Variants in NME4 observed in about 807,000 individuals in gnomAD.
NME4 encodes the protein nucleoside diphosphate kinase D, mitochondrial.
In NME4, 21 loss-of-function variants were observed where a neutral mutation model predicts 16.4. The observed-to-expected ratio is 1.28, with a 90% CI of 0.91 to 1.84. NME4 has a LOEUF of 1.84. NME4 is among the 40% of genes most tolerant of loss of function. The pLI, the probability that NME4 is intolerant of heterozygous loss-of-function variation, is 0.00. For missense variants in NME4, 316 were observed against 261.3 expected (o/e 1.21, Z -1.44); for synonymous variants, 132 against 107.5 (o/e 1.23, Z -1.41).
At position 399,620 on chromosome 16, in the gene NME4, G is replaced by A. The variant is rs777376591; in HGVS notation, c.328-7G>A. 8.6e-5 allele frequency: 139 copies of A among 1,612,264 alleles called. No individual in the cohort carries two copies. The highest frequency in any genetic ancestry group is 1.2e-4 in the Non-Finnish European group (136 of 1,179,228). ...CACTTCTCCCCAACCATTATCTCTC[G>A]CTGCAGGTCTGGGAAGGGTACAATG... On this transcript the variant is annotated splice_region_variant and splice_polypyrimidine_tract_variant and intron_variant, in intron 3 of 4. Coordinates refer to ENST00000219479, the MANE Select transcript of NME4 (RefSeq NM_005009.3).
chr16:400,068 C>A, intron 4 of NME4, 151 bp from the exon 5 acceptor site: 1 of 1,210,650 alleles, frequency 8.3e-7, no homozygotes, highest in Non-Finnish European at 1.2e-6. Flanking sequence ...AGGCTGGAAC[C>A]CGGTTTCCCA....
In NME4 at chr16:400,569, C is replaced by A; in HGVS notation, c.*227C>A. On this transcript the variant is annotated 3_prime_UTR_variant, in exon 5 of 5. Transcript: ENST00000219479. ...CTTTTTGCACCAAAGTGCCGGACAA[C>A]CTTTGTGGTGGGGGGGGGTCTTCAC... 3 of 497,724 alleles carry A rather than the reference C, an allele frequency of 6.0e-6. No individual in the cohort carries two copies. Among genetic ancestry groups the A allele is most frequent in the Non-Finnish European group, 1.0e-5 (3 of 285,862 alleles). The allele number at this position is 497,724 out of a possible 1,614,324, so 30.8% of individuals were successfully genotyped here.
At chr16:397,185 C>G, upstream of NME4, 1 of 928,642 alleles carries the variant, frequency 1.1e-6, no homozygotes, top group Non-Finnish European at 1.3e-6. Flanking sequence ...CCTCCGCGCC[C>G]GCTCCTCGCG....
rs1171646101 is a variant in NME4, at chr16:400,223, G to A, written c.445G>A (p.Val149Ile). Residue 149 changes from valine to isoleucine, a missense_variant, in exon 5 of 5, where the codon GTC becomes ATC. Physicochemically the swap from Val to Ile is conservative, Grantham distance 29 (BLOSUM62 3). Coordinates refer to ENST00000219479, the MANE Select transcript of NME4 (RefSeq NM_005009.3). ...GDFSVHISRN[V>I]IHASDSVEGA... ...ATTGCTCCTGTCCTGGCACAGGAATGTCATCCACGCCAGCGACTCCGTGGA... is the reference window on the plus strand; with the variant it reads ...ATTGCTCCTGTCCTGGCACAGGAATATCATCCACGCCAGCGACTCCGTGGA... The A allele has an allele frequency of 1.9e-6, 3 of 1,606,848 alleles. No homozygotes were observed. In the Admixed American group the frequency reaches 5.0e-5, roughly 27 times the overall value.
rs2054620697 is a variant in NME4, at chr16:399,793, T to G, written c.440+54T>G. 1.6e-5 allele frequency: 23 copies of G among 1,447,326 alleles called. 1 individual carries two copies. Among genetic ancestry groups the G allele is most frequent in the South Asian group, 3.4e-5 (3 of 87,502 alleles). The allele number at this position is 1,447,326 out of a possible 1,614,324, so 89.7% of individuals were successfully genotyped here. A position where few individuals can be genotyped will look rare whatever the true frequency, so the allele number is the denominator to read the frequency against. On this transcript the variant is annotated intron_variant, in intron 4 of 4. Transcript: ENST00000219479. The stretch of plus-strand genomic sequence containing the variant: ...TGCTGGGGGCAAGGAGGGCCATCAC[T>G]TGGGGTGGTGGCAGATCCACGAGAC...
At chr16:398,429 C>T (rs1339707606) in intron 1 of NME4, 2 of 1,201,288 alleles carry the variant, frequency 1.7e-6, no homozygotes, top group African/African-American at 1.6e-5. Context: ...CACTCATTCA[C>T]CTCAGACACA....
rs910448036 is a variant in NME4, at chr16:400,541, A to G, written c.*199A>G. 1 of 563,750 alleles carries G rather than the reference A, an allele frequency of 1.8e-6. No homozygotes were observed. The highest frequency in any genetic ancestry group is 3.6e-5 in the Admixed American group (1 of 27,686). 34.9% of individuals were successfully genotyped at this position (563,750 alleles called of 1,614,324 possible). A position where few individuals can be genotyped will look rare whatever the true frequency, so the allele number is the denominator to read the frequency against. On this transcript the variant is annotated 3_prime_UTR_variant, in exon 5 of 5. Coordinates refer to ENST00000219479, the MANE Select transcript of NME4 (RefSeq NM_005009.3). ...CCCAAGCCAGCACAAGATTGGACCA[A>G]TCCTTTTTGCACCAAAGTGCCGGAC... is the stretch of plus-strand genomic sequence containing the variant.
intron 1 of NME4, chr16:397,928 A>T: frequency 6.5e-7 from 1 of 1,548,756 alleles, no homozygotes. Flanking sequence ...CAATGCCCGC[A>T]CCAGCCGCAG....
rs766705949 is a variant in NME4, at chr16:400,235, A to G, written c.457A>G (p.Ser153Gly). 2 of 1,605,262 alleles carry G rather than the reference A, an allele frequency of 1.2e-6. No individual in the cohort carries two copies. Among genetic ancestry groups the G allele is most frequent in the South Asian group, 1.1e-5 (1 of 90,848 alleles). ...VHISRNVIHASDSVEGAQREI... is the reference protein window; with the variant it reads ...VHISRNVIHAGDSVEGAQREI... ...CTGGCACAGGAATGTCATCCACGCCAGCGACTCCGTGGAGGGGGCCCAGCG... is the reference window on the plus strand; with the variant it reads ...CTGGCACAGGAATGTCATCCACGCCGGCGACTCCGTGGAGGGGGCCCAGCG... The change falls in exon 5 of 5, where the codon AGC (serine) becomes GGC (glycine). Residue 153 changes from serine to glycine, a missense_variant. By Grantham distance (56) the Ser-to-Gly change is moderately conservative (BLOSUM62 0). Transcript: ENST00000219479.
At chr16:397,129 C>CG (rs1174213430), upstream of NME4, 7 of 200,584 alleles carry the variant, frequency 3.5e-5, no homozygotes, top group East Asian at 1.1e-3. Flanking sequence ...TCCGGGGCGG[C>CG]GGGGGGCTCC....
Position 398,891 on chromosome 16 carries a change from C to G in NME4, c.92-99C>G, listed in dbSNP as rs979599559. 11 of 1,527,694 alleles carry G rather than the reference C, an allele frequency of 7.2e-6. No individual in the cohort carries two copies. In the African/African-American group the frequency reaches 1.4e-4, roughly 19 times the overall value. The allele number at this position is 1,527,694 out of a possible 1,614,324, so 94.6% of individuals were successfully genotyped here. ...GAGTGCCCTGCATAGAGGCAGACAC[C>G]CTGAAGCCTGGTGACCCCTGGGCTC... is the stretch of plus-strand genomic sequence containing the variant. On this transcript the variant is annotated intron_variant, in intron 1 of 4. Coordinates refer to ENST00000219479, the MANE Select transcript of NME4 (RefSeq NM_005009.3).
In NME4 at chr16:399,402, G is replaced by C. The variant is rs1386797878; in HGVS notation, c.249G>C (p.Glu83Asp). 5 of 1,612,852 alleles carry C rather than the reference G, an allele frequency of 3.1e-6. No homozygotes were observed. Among genetic ancestry groups the C allele is most frequent in the Non-Finnish European group, 4.2e-6 (5 of 1,179,984 alleles). ...AGGCACCAGAGAGCGTCCTTGCCGA[G>C]CACTACCAGGACCTGCGGAGGAAGC... The part of the protein sequence containing the change: ...MLQAPESVLA[E>D]HYQDLRRKPF... The change falls in exon 3 of 5, where the codon GAG (glutamate) becomes GAC (aspartate). Residue 83 changes from glutamate (E) to aspartate (D), a missense_variant. Transcript: ENST00000219479.
rs766312455 is a variant in NME4 at position 399,404 on chromosome 16, A to G, written c.251A>G (p.His84Arg). The change falls in exon 3 of 5, where the codon CAC becomes CGC. Residue 84 changes from histidine (H) to arginine (R), a missense_variant. Physicochemically the swap from His to Arg is conservative, Grantham distance 29. Coordinates refer to ENST00000219479, the MANE Select transcript of NME4 (RefSeq NM_005009.3). The stretch of plus-strand genomic sequence containing the variant: ...GCACCAGAGAGCGTCCTTGCCGAGC[A>G]CTACCAGGACCTGCGGAGGAAGCCC... ...LQAPESVLAE[H>R]YQDLRRKPFY... 5 of 1,612,948 alleles carry G rather than the reference A, an allele frequency of 3.1e-6. No individual in the cohort carries two copies. In the Admixed American group the frequency reaches 8.3e-5, roughly 27 times the overall value.
intron 1 of NME4, chr16:397,762 C>G (rs1461893983): frequency 7.9e-6 from 9 of 1,132,512 alleles, no homozygotes; most frequent in Non-Finnish European, 9.8e-6. Context: ...TCCGCTGGGG[C>G]GTTCGCTGAA....
chr16:400,009 CA>C, intron 4 of NME4: 1 of 765,460 alleles, frequency 1.3e-6, no homozygotes. Flanking sequence ...ATGAGGCTCC[CA>C]AAAGCTGGGG....
intron 1 of NME4, 104 bp downstream of exon 1, chr16:397,417 G>C: frequency 3.0e-6 from 1 of 334,398 alleles, no homozygotes; most frequent in South Asian, 1.2e-4. Flanking sequence ...GACTCCCCCA[G>C]AGGCCTCGGG....
At chr16:397,122 G>C (rs188843881), upstream of NME4, 3 of 154,314 alleles carry the variant, frequency 1.9e-5, no homozygotes, top group Non-Finnish European at 1.7e-5. Flanking sequence ...GGGGGGCTCC[G>C]GGGCGGCGGG....
chr16:398,443 T>G, intron 1 of NME4: 1 of 1,182,960 alleles, frequency 8.5e-7, no homozygotes, highest in Non-Finnish European at 1.1e-6. Flanking sequence ...AGACACAGGG[T>G]GGGCTCTGGG....
intron 2 of NME4, 123 bp downstream of exon 2, chr16:399,246 G>A (rs752431612): frequency 3.8e-5 from 55 of 1,443,968 alleles, no homozygotes; most frequent in Non-Finnish European, 5.4e-5. Context: ...GGGGCAGGAG[G>A]GATCTATTCT....
Sources: gnomAD v4.1 joint callset for allele counts on GRCh38, gnomAD v4.1.1 for gene constraint, MANE v1.5 for transcripts, NCBI Gene and HGNC (gene_info 2026-07-23, HGNC 2026-07-21) for gene names.